The following LRRTM4 variants were observed in gnomAD, a reference collection of about 807,000 sequenced individuals.
LRRTM4 encodes leucine-rich repeat transmembrane neuronal protein 4.
A neutral mutation model predicts 47.6 loss-of-function variants in LRRTM4; 25 were observed. That is an observed-to-expected ratio of 0.53 (90% CI 0.38 to 0.73). LRRTM4 has a LOEUF of 0.73. Among genes scored for constraint, LRRTM4 ranks in the 30% least tolerant of loss-of-function variants. The probability of loss-of-function intolerance (pLI) is 0.00; values close to 1 mark genes in which losing one functional copy is unlikely to be tolerated. For missense variants in LRRTM4, 638 were observed against 713.4 expected (o/e 0.89, Z 1.20); for synonymous variants, 311 against 269.5 (o/e 1.15, Z -1.51).
intron 3 of LRRTM4, among the ~76,000 whole-genome samples, chr2:77,222,403 T>C (rs2103950993): frequency 6.6e-6 from 1 of 152,192 alleles, no homozygotes; most frequent in East Asian, 1.9e-4. Context: ...CTTCAAAAAA[T>C]CAATGAATCC....
At chr2:77,413,774 A>G (rs1674530957) in intron 3 of LRRTM4, among the ~76,000 whole-genome samples, 1 of 152,190 alleles carries the variant, frequency 6.6e-6, no homozygotes, top group Non-Finnish European at 1.5e-5. Flanking sequence ...GAAATTATGC[A>G]GTACATATGG....
chr2:76,789,251 G>A (rs1233573355), intron 3 of LRRTM4, among the ~76,000 whole-genome samples: 2 of 152,158 alleles, frequency 1.3e-5, no homozygotes, highest in Admixed American at 1.3e-4. Context: ...AGTGATGAAA[G>A]GGAATACAAA....
At chr2:76,909,796 A>G (rs1558732049) in intron 3 of LRRTM4, among the ~76,000 whole-genome samples, 1 of 152,238 alleles carries the variant, frequency 6.6e-6, no homozygotes, top group Admixed American at 6.5e-5. Flanking sequence ...CCACAGTGAG[A>G]TATCATCTCA....
At chr2:76,976,108 T>G (rs748526418) in intron 3 of LRRTM4, among the ~76,000 whole-genome samples, 1 of 151,822 alleles carries the variant, frequency 6.6e-6, no homozygotes, top group Non-Finnish European at 1.5e-5. Flanking sequence ...TTTAAACCTT[T>G]ATACAAATTT....
At chr2:77,017,230 C>A (rs1249575073) in intron 3 of LRRTM4, among the ~76,000 whole-genome samples, 2 of 152,082 alleles carry the variant, frequency 1.3e-5, no homozygotes, top group African/African-American at 4.8e-5. Context: ...AAGGCCTGAC[C>A]TCCTGTTGTT....
intron 3 of LRRTM4, among the ~76,000 whole-genome samples, chr2:77,180,039 T>G (rs1453735901): frequency 6.6e-6 from 1 of 152,172 alleles, no homozygotes; most frequent in Non-Finnish European, 1.5e-5. Flanking sequence ...AAAAGGCACT[T>G]TATTAGAATT....
At chr2:77,030,202 G>A (rs1295685027) in intron 3 of LRRTM4, among the ~76,000 whole-genome samples, 1 of 152,200 alleles carries the variant, frequency 6.6e-6, no homozygotes, top group South Asian at 2.1e-4. Context: ...GGAGGCTGAG[G>A]CGGGGAGATC....
At chr2:77,119,154 A>G (rs972718379) in intron 3 of LRRTM4, among the ~76,000 whole-genome samples, 1 of 151,822 alleles carries the variant, frequency 6.6e-6, no homozygotes, top group South Asian at 2.1e-4. Context: ...TTATCTATAC[A>G]ATGTATGCTC....
At chr2:76,814,228 G>A (rs1670831476) in intron 3 of LRRTM4, among the ~76,000 whole-genome samples, 1 of 151,966 alleles carries the variant, frequency 6.6e-6, no homozygotes, top group Admixed American at 6.6e-5. Flanking sequence ...ATAGAAAAAA[G>A]CTTATATAAT....
At chr2:77,487,259 G>A (rs1166470844) in intron 3 of LRRTM4, among the ~76,000 whole-genome samples, 1 of 152,186 alleles carries the variant, frequency 6.6e-6, no homozygotes, top group Non-Finnish European at 1.5e-5. Flanking sequence ...GTGGACCTGT[G>A]CATCCCTGTG....
intron 3 of LRRTM4, among the ~76,000 whole-genome samples, chr2:77,109,298 C>T (rs982918569): frequency 6.6e-6 from 1 of 151,852 alleles, no homozygotes; most frequent in South Asian, 2.1e-4. Flanking sequence ...CACTGTAAAA[C>T]TTGTAAATAG....
intron 3 of LRRTM4, among the ~76,000 whole-genome samples, chr2:77,435,247 C>T (rs1675543411): frequency 6.6e-6 from 1 of 152,084 alleles, no homozygotes; most frequent in Admixed American, 6.5e-5. Flanking sequence ...TACCCACTGT[C>T]CTGAGTCCAG....
intron 3 of LRRTM4, among the ~76,000 whole-genome samples, chr2:76,789,473 T>A (rs1674853048): frequency 6.6e-6 from 1 of 152,206 alleles, no homozygotes; most frequent in Non-Finnish European, 1.5e-5. Context: ...TTTGGAGGGC[T>A]TCTGGCTTGA....
intron 3 of LRRTM4, among the ~76,000 whole-genome samples, chr2:76,781,978 C>A (rs2104163987): frequency 6.6e-6 from 1 of 152,268 alleles, no homozygotes; most frequent in East Asian, 1.9e-4. Context: ...AAACCTCTTT[C>A]TAAAATTGTC....
At chr2:77,462,790 T>G (rs2103975473) in intron 3 of LRRTM4, among the ~76,000 whole-genome samples, 1 of 152,062 alleles carries the variant, frequency 6.6e-6, no homozygotes, top group South Asian at 2.1e-4. Flanking sequence ...AATCACAAAT[T>G]GCCTACCTGT....
chr2:77,199,423 T>C (rs1337387174), intron 3 of LRRTM4, among the ~76,000 whole-genome samples: 1 of 152,126 alleles, frequency 6.6e-6, no homozygotes, highest in Non-Finnish European at 1.5e-5. Context: ...AGCTTAACCA[T>C]TTTGCTATAA....
chr2:77,315,560 T>C (rs1174040441), intron 3 of LRRTM4, among the ~76,000 whole-genome samples: 1 of 152,182 alleles, frequency 6.6e-6, no homozygotes, highest in Admixed American at 6.5e-5. Flanking sequence ...ATTAATTTAT[T>C]TGAATAACAA....
intron 3 of LRRTM4, among the ~76,000 whole-genome samples, chr2:76,936,244 A>C (rs114905253): frequency 0.017 from 2,517 of 152,254 alleles, 87 homozygotes; most frequent in African/African-American, 0.057. Context: ...TATACCATGG[A>C]CTACTATGCA....
intron 3 of LRRTM4, among the ~76,000 whole-genome samples, chr2:77,148,395 C>G (rs116758774): frequency 6.6e-6 from 1 of 152,074 alleles, no homozygotes; most frequent in African/African-American, 2.4e-5. Flanking sequence ...ACTAAGAATG[C>G]GAGAAATTTA....
Sources: allele counts gnomAD v4.1 joint callset (sites outside exome capture counted in the v4.1 genomes callset), GRCh38; gene constraint gnomAD v4.1.1; transcripts MANE v1.5; gene names NCBI Gene and HGNC (gene_info 2026-07-23, HGNC 2026-07-21).